The following LSAMP variants were observed in gnomAD, a reference collection of about 807,000 sequenced individuals.
The protein encoded by LSAMP is limbic system associated membrane protein, also known as limbic system-associated membrane protein.
Under a neutral mutation model 38.6 loss-of-function variants are expected in LSAMP, and 7 were observed. The ratio of observed to expected loss-of-function variants is 0.18; its 90% CI spans 0.10 to 0.34. The LOEUF (loss-of-function observed/expected upper bound fraction) is 0.34. Ranked by LOEUF, LSAMP falls within the 10% of genes least tolerant of loss-of-function variation. LSAMP has a pLI of 1.00. For synonymous variants in LSAMP, 154 were observed against 166.8 expected, an observed-to-expected ratio of 0.92 and a Z score of 0.59; for missense variants, 313 against 420.0, an observed-to-expected ratio of 0.75 and a Z score of 2.23.
At chr3:116,390,555 G>A (rs563994073) in intron 1 of LSAMP, among the ~76,000 whole-genome samples, 2 of 152,024 alleles carry the variant, frequency 1.3e-5, no homozygotes, top group South Asian at 4.2e-4. Flanking sequence ...AATGCAAGTA[G>A]GCAATGGAAG....
intron 3 of LSAMP, among the ~76,000 whole-genome samples, chr3:115,895,501 C>A (rs1277918553): frequency 6.6e-6 from 1 of 152,004 alleles, no homozygotes; most frequent in Non-Finnish European, 1.5e-5. Context: ...AACAAAAATA[C>A]AAACAGCCCA....
intron 1 of LSAMP, among the ~76,000 whole-genome samples, chr3:116,238,701 A>G (rs1364633828): frequency 6.6e-6 from 1 of 152,210 alleles, no homozygotes; most frequent in Non-Finnish European, 1.5e-5. Flanking sequence ...GACCAATAAA[A>G]TCAGTCCATA....
chr3:116,264,763 A>G (rs2046871438), intron 1 of LSAMP, among the ~76,000 whole-genome samples: 1 of 152,038 alleles, frequency 6.6e-6, no homozygotes, highest in African/African-American at 2.4e-5. Flanking sequence ...TATCTTGCCC[A>G]GCTATTTTCT....
chr3:115,900,346 C>A (rs1054522169), intron 3 of LSAMP, among the ~76,000 whole-genome samples: 2 of 151,894 alleles, frequency 1.3e-5, no homozygotes, highest in South Asian at 4.2e-4. Context: ...GAAACCCCAA[C>A]TCTACTAAAA....
chr3:115,849,857 G>A (rs1935274879), intron 4 of LSAMP, among the ~76,000 whole-genome samples: 2 of 152,308 alleles, frequency 1.3e-5, no homozygotes, highest in Middle Eastern at 3.4e-3. Context: ...AAAGGAAATT[G>A]ATAAAATATG....
At chr3:116,049,185 A>C (rs906785125) in intron 2 of LSAMP, among the ~76,000 whole-genome samples, 2 of 152,190 alleles carry the variant, frequency 1.3e-5, no homozygotes, top group Admixed American at 1.3e-4. Flanking sequence ...GGGCTTTGCT[A>C]TCTCTGCTTT....
chr3:116,080,126 G>C (rs1263105479), intron 2 of LSAMP, among the ~76,000 whole-genome samples: 4 of 152,074 alleles, frequency 2.6e-5, no homozygotes, highest in African/African-American at 9.7e-5. Context: ...ATTTAGCAGA[G>C]GCAGATACAA....
At chr3:116,048,602 T>C (rs1040437607) in intron 2 of LSAMP, among the ~76,000 whole-genome samples, 2 of 152,206 alleles carry the variant, frequency 1.3e-5, no homozygotes, top group African/African-American at 4.8e-5. Flanking sequence ...TGTGAGCTAC[T>C]TTTGCATTCA....
chr3:115,808,097 C>T lies in LSAMP; in HGVS notation c.*2220G>A, dbSNP rs1204113311. The T allele has an allele frequency of 9.8e-6, 1 of 102,516 alleles. No homozygotes were observed. Among genetic ancestry groups the T allele is most frequent in the Non-Finnish European group, 1.9e-5 (1 of 51,354 alleles). The allele number at this position is 102,516 out of a possible 1,614,324, so 6.4% of individuals were successfully genotyped here. ...TCCTTTCCTTTCTCCTTCCTTCCTTCCTTCCTTCCTTCCTCCCTCCCTCCC... is the reference window on the plus strand; with the variant it reads ...TCCTTTCCTTTCTCCTTCCTTCCTTTCTTCCTTCCTTCCTCCCTCCCTCCC... On this transcript the variant is annotated 3_prime_UTR_variant, in exon 7 of 7. Transcript: ENST00000490035.
In LSAMP at chr3:116,224,943, T is replaced by C. The variant is rs565158117; in HGVS notation, c.156-138387A>G. Among the ~76,000 whole-genome samples the C allele has an allele frequency of 8.9e-4, 136 of 152,326 alleles. 1 individual carries two copies. Among genetic ancestry groups the C allele is most frequent in the African/African-American group, 1.7e-3 (71 of 41,562 alleles). ...TAATACATATTTTTAAAATAATGAA[T>C]CTACATATTTTGATTTATTGATCAG... On this transcript the variant is annotated intron_variant, in intron 1 of 6. Coordinates refer to ENST00000490035, the MANE Select transcript of LSAMP (RefSeq NM_002338.5).
At chr3:115,818,823 A>ATATATATATATATATATATATAT (rs1934129422) in intron 6 of LSAMP, among the ~76,000 whole-genome samples, 1 of 44,234 alleles carries the variant, frequency 2.3e-5, no homozygotes, top group Admixed American at 2.6e-4. Flanking sequence ...TATATATATA[A>ATATATATATATATATATATATAT]CTGCAGCAAC....
rs1340974195 is a variant in LSAMP at position 116,442,342 on chromosome 3, C to T, written c.155+2535G>A. Among the ~76,000 whole-genome samples, 3 of 152,004 alleles carry T rather than the reference C, an allele frequency of 2.0e-5. No homozygotes were observed. The East Asian group carries it at 5.8e-4, about 29-fold the overall frequency. ...CTCACTAAGAGAATTATTTTTTTCT[C>T]CTAGCCATTTCACTTTCTCGGTGCC... On this transcript the variant is annotated intron_variant, in intron 1 of 6. Coordinates refer to ENST00000490035, the MANE Select transcript of LSAMP (RefSeq NM_002338.5).
At chr3:116,355,625 AAAC>A (rs2048212826) in intron 1 of LSAMP, among the ~76,000 whole-genome samples, 1 of 152,210 alleles carries the variant, frequency 6.6e-6, no homozygotes, top group African/African-American at 2.4e-5. Flanking sequence ...ATAGCAAAGG[AAAC>A]AATCCACAAA....
chr3:116,249,263 C>T (rs938950803), intron 1 of LSAMP, among the ~76,000 whole-genome samples: 3 of 152,020 alleles, frequency 2.0e-5, no homozygotes, highest in African/African-American at 7.3e-5. Context: ...TCAGAATTAA[C>T]AGCACATGTG....
chr3:115,987,690 T>G (rs1939549953), intron 3 of LSAMP, among the ~76,000 whole-genome samples: 1 of 152,182 alleles, frequency 6.6e-6, no homozygotes, highest in Non-Finnish European at 1.5e-5. Flanking sequence ...GATGTGTGAA[T>G]TCATGTATAT....
intron 3 of LSAMP, among the ~76,000 whole-genome samples, chr3:115,885,180 C>T (rs1045453306): frequency 6.6e-6 from 1 of 151,898 alleles, no homozygotes; most frequent in Admixed American, 6.6e-5. Flanking sequence ...TGTGCAGTGC[C>T]ATGTGGCTGG....
At chr3:116,324,336 T>A (rs564794852) in intron 1 of LSAMP, among the ~76,000 whole-genome samples, 3 of 152,160 alleles carry the variant, frequency 2.0e-5, no homozygotes, top group Non-Finnish European at 4.4e-5. Flanking sequence ...TAAAACACAA[T>A]GTTATGATAC....
At position 116,131,054 on chromosome 3, in the gene LSAMP, G is replaced by A. The variant is rs1300942149; in HGVS notation, c.156-44498C>T. Among the ~76,000 whole-genome samples the A allele has an allele frequency of 2.0e-5, 3 of 146,654 alleles. No individual in the cohort carries two copies. In the East Asian group the frequency reaches 6.1e-4, roughly 30 times the overall value. ...CGCCCAGGCTGGAGTGCAGTGGCAC[G>A]GTCTTGGCTCACTGCAAGCTCCATC... On this transcript the variant is annotated intron_variant, in intron 1 of 6. Coordinates refer to ENST00000490035, the MANE Select transcript of LSAMP (RefSeq NM_002338.5).
Position 116,412,160 on chromosome 3 carries a change from C to T in LSAMP, c.155+32717G>A, listed in dbSNP as rs370242542. Among the ~76,000 whole-genome samples the T allele has an allele frequency of 2.3e-4, 35 of 152,172 alleles. No individual in the cohort carries two copies. In the South Asian group the frequency reaches 7.1e-3, roughly 31 times the overall value. On this transcript the variant is annotated intron_variant, in intron 1 of 6. Coordinates refer to ENST00000490035, the MANE Select transcript of LSAMP (RefSeq NM_002338.5). The stretch of plus-strand genomic sequence containing the variant: ...CTGCTTCCCTGAAACTATTCCTCCT[C>T]AGGGACTTCAATGGACACAGGTGGA...
Sources: gnomAD v4.1 joint callset for allele counts (sites outside exome capture counted in the v4.1 genomes callset) on GRCh38, gnomAD v4.1.1 for gene constraint, MANE v1.5 for transcripts, NCBI Gene and HGNC (gene_info 2026-07-23, HGNC 2026-07-21) for gene names.